Variants in ILDR1 observed in about 807,000 individuals in gnomAD.
ILDR1 encodes the protein immunoglobulin-like domain-containing receptor 1.
ILDR1 carries 56 observed loss-of-function variants against 62.4 expected under a neutral mutation model. The ratio of observed to expected loss-of-function variants is 0.90; its 90% CI spans 0.72 to 1.12. The LOEUF (loss-of-function observed/expected upper bound fraction) is 1.12, where lower values mean the gene tolerates loss of function less well. Ranked by LOEUF, ILDR1 falls within the 50% of genes most tolerant of loss-of-function variation. The pLI is 0.00. For synonymous variants in ILDR1, 284 were observed against 277.8 expected (o/e 1.02, Z -0.22); for missense variants, 736 against 710.6 (o/e 1.04, Z -0.41).
At chr3:122,019,006 T>A (rs2071819147) in intron 1 of ILDR1, among the ~76,000 whole-genome samples, 1 of 152,202 alleles carries the variant, frequency 6.6e-6, no homozygotes, top group Non-Finnish European at 1.5e-5. Flanking sequence ...CAAAGAATGA[T>A]AATACAAGTT....
the ILDR1 span, among the ~76,000 whole-genome samples, chr3:122,037,691 G>T: frequency 1.3e-5 from 2 of 152,184 alleles, no homozygotes; most frequent in African/African-American, 4.8e-5. Flanking sequence ...CTAGGGGGCT[G>T]CTGAGAAGGG....
At chr3:122,023,113 T>G (rs969861099), upstream of ILDR1, among the ~76,000 whole-genome samples, 3 of 151,020 alleles carry the variant, frequency 2.0e-5, no homozygotes, top group Admixed American at 6.6e-5. Flanking sequence ...TAGGTATATT[T>G]ATTTATTTAT....
the ILDR1 span, among the ~76,000 whole-genome samples, chr3:122,059,017 T>C: frequency 6.6e-6 from 1 of 152,052 alleles, no homozygotes; most frequent in Non-Finnish European, 1.5e-5. Context: ...ATGGAAGGTA[T>C]AGGAAGCAGA....
At chr3:122,023,550 G>C (rs2107684753), upstream of ILDR1, among the ~76,000 whole-genome samples, 1 of 152,212 alleles carries the variant, frequency 6.6e-6, no homozygotes, top group Non-Finnish European at 1.5e-5. Flanking sequence ...ACCCTGCGTT[G>C]CTGATATCTT....
At chr3:122,059,072 TTC>T in the ILDR1 span, among the ~76,000 whole-genome samples, 1 of 152,160 alleles carries the variant, frequency 6.6e-6, no homozygotes, top group South Asian at 2.1e-4. Context: ...GGTGAATTCC[TTC>T]TCTAACATGT....
intron 5 of ILDR1, among the ~76,000 whole-genome samples, chr3:121,999,749 C>A (rs892890063): frequency 6.6e-6 from 1 of 152,174 alleles, no homozygotes. Context: ...AAGTTCATGG[C>A]CATGACGGGA....
Position 121,988,421 on chromosome 3 carries a change from A to T in ILDR1, c.1600-13T>A. 6.2e-7 allele frequency: 1 copy of T among 1,611,230 alleles called. No individual in the cohort carries two copies. The highest frequency in any genetic ancestry group is 8.5e-7 in the Non-Finnish European group (1 of 1,177,428). On this transcript the variant is annotated splice_polypyrimidine_tract_variant and intron_variant, in intron 7 of 7. Transcript: ENST00000344209. ...AGCTGTCTTTCTCCTGGGAAATAGAAGAATACACACACAAAAAAAATCCAG... is the reference window on the plus strand; with the variant it reads ...AGCTGTCTTTCTCCTGGGAAATAGATGAATACACACACAAAAAAAATCCAG...
At chr3:122,047,749 G>A in the ILDR1 span, among the ~76,000 whole-genome samples, 49 of 152,356 alleles carry the variant, frequency 3.2e-4, no homozygotes, top group African/African-American at 1.2e-3. Flanking sequence ...CCCAAGTGAG[G>A]CAATGCCTCG....
At chr3:122,039,586 T>C in the ILDR1 span, among the ~76,000 whole-genome samples, 1,940 of 152,096 alleles carry the variant, frequency 0.013, 42 homozygotes, top group African/African-American at 0.044. Flanking sequence ...TTCAGACAAA[T>C]ACTGGTAAAA....
the ILDR1 span, among the ~76,000 whole-genome samples, chr3:122,060,781 A>G: frequency 6.6e-6 from 1 of 152,170 alleles, no homozygotes; most frequent in African/African-American, 2.4e-5. Context: ...TAACATACAG[A>G]TTCTATTCTG....
chr3:121,994,617 T>C (rs1373224444), intron 5 of ILDR1, among the ~76,000 whole-genome samples: 6 of 152,246 alleles, frequency 3.9e-5, no homozygotes, highest in Admixed American at 3.3e-4. Flanking sequence ...CCAAAATGCA[T>C]AGGTAGATTC....
At chr3:122,023,191 ATATT>A (rs2071890830), upstream of ILDR1, among the ~76,000 whole-genome samples, 1 of 151,008 alleles carries the variant, frequency 6.6e-6, no homozygotes, top group Non-Finnish European at 1.5e-5. Context: ...AAGTAGGTAC[ATATT>A]TATTTTATTT....
intron 1 of ILDR1, among the ~76,000 whole-genome samples, chr3:122,017,957 G>C (rs1158868824): frequency 6.6e-6 from 1 of 152,324 alleles, no homozygotes; most frequent in African/African-American, 2.4e-5. Context: ...GTGTAAATTA[G>C]TTCAACCATT....
At position 122,009,245 on chromosome 3, in the gene ILDR1, C is replaced by T. The variant is rs1304402436; in HGVS notation, c.59-2084G>A. Among the ~76,000 whole-genome samples the T allele has an allele frequency of 2.6e-5, 4 of 151,436 alleles. No individual in the cohort carries two copies. The South Asian group carries it at 6.3e-4, about 24-fold the overall frequency. On this transcript the variant is annotated intron_variant, in intron 1 of 7. Coordinates refer to ENST00000344209, the MANE Select transcript of ILDR1 (RefSeq NM_001199799.2). Reference sequence around the variant, plus strand: ...TGCACACAGCAATTGATATAAATTTCTAACTAATTTCCAGGAGATGCTGAT... The same window carrying T: ...TGCACACAGCAATTGATATAAATTTTTAACTAATTTCCAGGAGATGCTGAT...
At position 122,001,844 on chromosome 3, in the gene ILDR1, C is replaced by T; in HGVS notation, c.400G>A (p.Glu134Lys). ...IQNRADLVINEVMWWDHGVYY... is the reference protein window; with the variant it reads ...IQNRADLVINKVMWWDHGVYY... ...ACTCCATGGTCCCACCACATCACTT[C>T]ATTTATCACGAGATCTGCTCCTACA... The change falls in exon 4 of 8, where the codon GAA becomes AAA. Residue 134 changes from glutamate to lysine, a missense_variant. Coordinates refer to ENST00000344209, the MANE Select transcript of ILDR1 (RefSeq NM_001199799.2). 1 of 1,613,476 alleles carries T rather than the reference C, an allele frequency of 6.2e-7. No individual in the cohort carries two copies. Among genetic ancestry groups the T allele is most frequent in the Non-Finnish European group, 8.5e-7 (1 of 1,179,978 alleles).
At position 122,022,210 on chromosome 3, in the gene ILDR1, A is replaced by G. The variant is rs1054145480; in HGVS notation, c.-133T>C. 1.3e-6 allele frequency: 1 copy of G among 771,118 alleles called. No homozygotes were observed. The highest frequency in any genetic ancestry group is 2.0e-6 in the Non-Finnish European group (1 of 488,136). 47.8% of individuals were successfully genotyped at this position (771,118 alleles called of 1,614,324 possible). A position where few individuals can be genotyped will look rare whatever the true frequency, so the allele number is the denominator to read the frequency against. Reference sequence around the variant, plus strand: ...TTTCCCCTCCCTCGGCGCAGCGGGGAGGGAGCGTCCGCTCTGGTCCCGGGG... The same window carrying G: ...TTTCCCCTCCCTCGGCGCAGCGGGGGGGGAGCGTCCGCTCTGGTCCCGGGG... On this transcript the variant is annotated 5_prime_UTR_variant, in exon 1 of 8. Transcript: ENST00000344209.
upstream of ILDR1, among the ~76,000 whole-genome samples, chr3:122,023,515 C>T (rs530952172): frequency 6.6e-6 from 1 of 152,302 alleles, no homozygotes; most frequent in Non-Finnish European, 1.5e-5. Flanking sequence ...ATGTCATGCC[C>T]TGCTCTGCTG....
chr3:122,051,723 A>C, the ILDR1 span, among the ~76,000 whole-genome samples: 295 of 152,226 alleles, frequency 1.9e-3, 1 homozygote, highest in African/African-American at 6.8e-3. Context: ...AAAACACACA[A>C]ACAAACAACA....
At chr3:122,004,564 C>G (rs1262977392) in intron 3 of ILDR1, among the ~76,000 whole-genome samples, 2 of 152,188 alleles carry the variant, frequency 1.3e-5, no homozygotes, top group African/African-American at 4.8e-5. Context: ...GCTCTCACCA[C>G]TACTCCCTGC....
Sources: gnomAD v4.1 joint callset for allele counts (sites outside exome capture counted in the v4.1 genomes callset) on GRCh38, gnomAD v4.1.1 for gene constraint, MANE v1.5 for transcripts, NCBI Gene and HGNC (gene_info 2026-07-23, HGNC 2026-07-21) for gene names.